Variants in BBS4 observed in about 807,000 individuals in gnomAD.
BBS4 encodes the protein Bardet-Biedl syndrome 4, also known as BBSome complex member BBS4.
BBS4 carries 58 observed loss-of-function variants against 71.4 expected under a neutral mutation model. The ratio of observed to expected loss-of-function variants is 0.81; its 90% CI spans 0.66 to 1.01. The LOEUF is 1.01. Ranked by LOEUF, BBS4 falls within the 50% of genes least tolerant of loss-of-function variation. The pLI is 0.00. For synonymous variants in BBS4, 228 were observed against 216.8 expected, an observed-to-expected ratio of 1.05 and a Z score of -0.46; for missense variants, 660 against 607.9, an observed-to-expected ratio of 1.09 and a Z score of -0.90.
At chr15:72,710,821 G>A (rs1595922747) in intron 3 of BBS4, among the ~76,000 whole-genome samples, 1 of 149,378 alleles carries the variant, frequency 6.7e-6, no homozygotes, top group East Asian at 2.0e-4. Flanking sequence ...GTGGAGTTTT[G>A]CTCTTATTGC....
chr15:72,687,783 T>C (rs1156794358), intron 1 of BBS4, among the ~76,000 whole-genome samples: 2 of 150,548 alleles, frequency 1.3e-5, no homozygotes, highest in Non-Finnish European at 3.0e-5. Context: ...TACAAAAAAT[T>C]AGCTGGACGT....
chr15:72,704,677 C>T (rs189911816), intron 2 of BBS4, among the ~76,000 whole-genome samples: 14 of 152,188 alleles, frequency 9.2e-5, no homozygotes, highest in Admixed American at 7.2e-4. Context: ...GTCAGGAGTT[C>T]AAGACCAGCC....
At chr15:72,725,926 C>T (rs1399760046) in intron 8 of BBS4, among the ~76,000 whole-genome samples, 6 of 11,280 alleles carry the variant, frequency 5.3e-4, no homozygotes, top group African/African-American at 1.6e-3. Flanking sequence ...TCCCCCTTCC[C>T]CCTTTCCCCT....
chr15:72,737,061 A>G (rs1345748577), intron 15 of BBS4, 98 bp downstream of exon 15: 38 of 1,409,468 alleles, frequency 2.7e-5, no homozygotes, highest in Admixed American at 6.8e-5. Context: ...CTTCAGACTC[A>G]TATGTCCAAC....
intron 2 of BBS4, chr15:72,698,183 T>C (rs2065110352): frequency 1.7e-5 from 5 of 301,372 alleles, no homozygotes; most frequent in South Asian, 1.6e-4. Context: ...AAAAACCTGA[T>C]CTCAGCTTGA....
At chr15:72,726,183 C>A (rs2065697750) in intron 8 of BBS4, among the ~76,000 whole-genome samples, 1 of 151,560 alleles carries the variant, frequency 6.6e-6, no homozygotes, top group Non-Finnish European at 1.5e-5. Flanking sequence ...GCGATCTCGC[C>A]TCACTGCAAC....
chr15:72,709,769 A>G lies in BBS4; in HGVS notation c.146A>G (p.Glu49Gly), dbSNP rs1306734630. The G allele has an allele frequency of 6.2e-7, 1 of 1,613,286 alleles. No individual in the cohort carries two copies. The highest frequency in any genetic ancestry group is 8.5e-7 in the Non-Finnish European group (1 of 1,179,428). Residue 49 changes from glutamate (E) to glycine (G), a missense_variant, in exon 3 of 16, where the codon GAA becomes GGA. By Grantham distance (98) the Glu-to-Gly change is moderately conservative. Coordinates refer to ENST00000268057, the MANE Select transcript of BBS4 (RefSeq NM_033028.5). ...CTTCATTATATCCGGAAAGATTATG[A>G]AGCCTGCAAGGTAAGAGATTGCCAT... ...IHLHYIRKDY[E>G]ACKAVIKEQL...
At chr15:72,732,947 A>G (rs1237985568) in intron 12 of BBS4, among the ~76,000 whole-genome samples, 2 of 152,196 alleles carry the variant, frequency 1.3e-5, no homozygotes, top group Non-Finnish European at 2.9e-5. Context: ...GGCTGTCTCT[A>G]GGTGTCTGGT....
At chr15:72,709,192 C>T (rs577096425) in intron 2 of BBS4, among the ~76,000 whole-genome samples, 1 of 152,188 alleles carries the variant, frequency 6.6e-6, no homozygotes, top group South Asian at 2.1e-4. Context: ...CTCAGGTGGG[C>T]ATCACGGTCC....
At chr15:72,711,033 C>G (rs2065360818) in intron 3 of BBS4, among the ~76,000 whole-genome samples, 1 of 151,024 alleles carries the variant, frequency 6.6e-6, no homozygotes, top group Non-Finnish European at 1.5e-5. Flanking sequence ...AAACTGCTGA[C>G]CTCGTAATCC....
chr15:72,710,007 C>G lies in BBS4; in HGVS notation c.156+228C>G, dbSNP rs1337942107. Among the ~76,000 whole-genome samples the G allele has an allele frequency of 7.2e-5, 11 of 152,070 alleles. No homozygotes were observed. In the East Asian group the frequency reaches 1.2e-3, roughly 16 times the overall value. On this transcript the variant is annotated intron_variant, in intron 3 of 15. Transcript: ENST00000268057. ...CAAATATTAATTGCTCATGGGCTTTCAGATCAGCTGTGGGTTGGCTGGGTT... is the reference window on the plus strand; with the variant it reads ...CAAATATTAATTGCTCATGGGCTTTGAGATCAGCTGTGGGTTGGCTGGGTT...
rs36072427 is a variant in BBS4 at position 72,713,314 on chromosome 15, GACAC to G, written c.220+1040_220+1043del. Among the ~76,000 whole-genome samples the G allele has an allele frequency of 6.3e-3, 898 of 143,544 alleles. 10 individuals are homozygous for G. Among genetic ancestry groups the G allele is most frequent in the African/African-American group, 0.016 (621 of 38,100 alleles). 94.2% of individuals were successfully genotyped at this position (143,544 alleles called of 152,430 possible). On this transcript the variant is annotated intron_variant, in intron 4 of 15. Coordinates refer to ENST00000268057, the MANE Select transcript of BBS4 (RefSeq NM_033028.5). ...TTTGTGACCCATCTAAGGTCTTTGTGACACACACACACACACACACACACACACA... is the reference window on the plus strand; with the variant it reads ...TTTGTGACCCATCTAAGGTCTTTGTGACACACACACACACACACACACACA...
intron 12 of BBS4, among the ~76,000 whole-genome samples, chr15:72,733,915 C>G (rs2065874213): frequency 6.6e-6 from 1 of 152,218 alleles, no homozygotes; most frequent in Non-Finnish European, 1.5e-5. Flanking sequence ...TCCCTTTTCT[C>G]TGCAGCCTCA....
chr15:72,714,004 G>A (rs1252007074), intron 4 of BBS4, among the ~76,000 whole-genome samples: 2 of 152,158 alleles, frequency 1.3e-5, no homozygotes, highest in African/African-American at 2.4e-5. Context: ...AGTGTTTTTT[G>A]GAATGGATGC....
chr15:72,716,283 TC>T (rs1411509927), intron 5 of BBS4, among the ~76,000 whole-genome samples: 8 of 152,188 alleles, frequency 5.3e-5, no homozygotes, highest in African/African-American at 7.2e-5. Context: ...TCCATGGAGT[TC>T]CTATCTCCCC....
At chr15:72,694,089 T>G (rs2065032906) in intron 1 of BBS4, among the ~76,000 whole-genome samples, 1 of 152,042 alleles carries the variant, frequency 6.6e-6, no homozygotes, top group African/African-American at 2.4e-5. Context: ...TTCACCATGT[T>G]GGCCAGGCTG....
intron 1 of BBS4, among the ~76,000 whole-genome samples, chr15:72,694,272 C>T (rs1450052259): frequency 6.6e-6 from 1 of 151,512 alleles, no homozygotes; most frequent in African/African-American, 2.4e-5. Flanking sequence ...CTCATTGCAA[C>T]CTCTGCTTCC....
intron 10 of BBS4, among the ~76,000 whole-genome samples, chr15:72,729,916 G>A (rs185250256): frequency 6.6e-6 from 1 of 152,300 alleles, no homozygotes; most frequent in African/African-American, 2.4e-5. Flanking sequence ...GCAGAAGGCA[G>A]ATCATAGTGC....
At position 72,735,888 on chromosome 15, in the gene BBS4, C is replaced by T. The variant is rs376378002; in HGVS notation, c.1170C>T (p.Asn390=). ...TGTACAACCAGGGCGAGAAGAAGAA[C>T]GCCCTGGCCCAATATCAGGAGATGG... ...VLLYNQGEKK[N]ALAQYQEMEK... The change falls in exon 14 of 16, where the codon AAC becomes AAT. Residue 390 remains asparagine, a synonymous_variant. Coordinates refer to ENST00000268057, the MANE Select transcript of BBS4 (RefSeq NM_033028.5). The T allele has an allele frequency of 3.9e-5, 63 of 1,613,952 alleles. No individual in the cohort carries two copies. Among genetic ancestry groups the T allele is most frequent in the African/African-American group, 6.7e-5 (5 of 74,868 alleles).
Sources: allele counts gnomAD v4.1 joint callset (sites outside exome capture counted in the v4.1 genomes callset), GRCh38; gene constraint gnomAD v4.1.1; transcripts MANE v1.5; gene names NCBI Gene and HGNC (gene_info 2026-07-23, HGNC 2026-07-21).